Variants in CYP19A1 observed in about 807,000 individuals in gnomAD.
CYP19A1 encodes aromatase.
CYP19A1 carries 32 observed loss-of-function variants against 44.4 expected under a neutral mutation model. The observed-to-expected ratio is 0.72, with a 90% CI of 0.54 to 0.97. The LOEUF is 0.97. Ranked by LOEUF, CYP19A1 falls within the 50% of genes least tolerant of loss-of-function variation. The pLI is 0.00. For missense variants in CYP19A1, 598 were observed against 637.8 expected (o/e 0.94, Z 0.67); for synonymous variants, 212 against 215.6 (o/e 0.98, Z 0.14).
At chr15:51,335,771 A>AT (rs1425562420) in intron 1 of CYP19A1, among the ~76,000 whole-genome samples, 4 of 152,240 alleles carry the variant, frequency 2.6e-5, no homozygotes, top group South Asian at 4.2e-4. Flanking sequence ...TCCCACACAC[A>AT]CGTAAAACTC....
chr15:51,222,457 T>C lies in CYP19A1; in HGVS notation c.520A>G (p.Arg174Gly), dbSNP rs1417697585. ...GATTCATTGGTCACCTCCTCCAACCTGTCCAGATGTGTTTTGAGGGATTCA... is the reference window on the plus strand; with the variant it reads ...GATTCATTGGTCACCTCCTCCAACCCGTCCAGATGTGTTTTGAGGGATTCA... The part of the protein sequence containing the change: ...CAESLKTHLD[R>G]LEEVTNESGY... Residue 174 changes from arginine (R) to glycine (G), a missense_variant, in exon 5 of 10, where the codon AGG becomes GGG. Transcript: ENST00000396402. 2 of 1,614,138 alleles carry C rather than the reference T, an allele frequency of 1.2e-6. No homozygotes were observed. Among genetic ancestry groups the C allele is most frequent in the Admixed American group, 1.7e-5 (1 of 60,016 alleles).
In CYP19A1 at chr15:51,218,449, G is replaced by A. The variant is rs906550967; in HGVS notation, c.743+92C>T. 1.5e-5 allele frequency: 23 copies of A among 1,522,864 alleles called. No individual in the cohort carries two copies. In the Admixed American group the frequency reaches 3.3e-4, roughly 22 times the overall value. 94.3% of individuals were successfully genotyped at this position (1,522,864 alleles called of 1,614,324 possible). On this transcript the variant is annotated intron_variant, in intron 6 of 9. Coordinates refer to ENST00000396402, the MANE Select transcript of CYP19A1 (RefSeq NM_000103.4). Reference sequence around the variant, plus strand: ...CTTGTGGGCTCTAGAGAGCAGAAAAGTTACCTGAGAGGCCAAGAAAAACAG... The same window carrying A: ...CTTGTGGGCTCTAGAGAGCAGAAAAATTACCTGAGAGGCCAAGAAAAACAG...
chr15:51,226,515 C>T (rs1202485923), intron 4 of CYP19A1, among the ~76,000 whole-genome samples: 1 of 152,198 alleles, frequency 6.6e-6, no homozygotes, highest in Non-Finnish European at 1.5e-5. Context: ...GAGGGCAGCT[C>T]TGAAGGCTGG....
intron 1 of CYP19A1, among the ~76,000 whole-genome samples, chr15:51,244,812 A>G (rs2033976952): frequency 6.6e-6 from 1 of 152,228 alleles, no homozygotes; most frequent in Non-Finnish European, 1.5e-5. Flanking sequence ...AAGAGATAAG[A>G]TGTTGCAAGC....
chr15:51,247,819 C>T (rs2034132737), intron 1 of CYP19A1, among the ~76,000 whole-genome samples: 1 of 152,152 alleles, frequency 6.6e-6, no homozygotes, highest in African/African-American at 2.4e-5. Flanking sequence ...TATCCCTTCC[C>T]ATCCCAGCCT....
At chr15:51,296,636 C>T (rs957300544) in intron 1 of CYP19A1, among the ~76,000 whole-genome samples, 20 of 152,288 alleles carry the variant, frequency 1.3e-4, no homozygotes, top group African/African-American at 4.6e-4. Flanking sequence ...GATTTATTCT[C>T]CTCACTTTTT....
At chr15:51,259,739 T>C (rs2034644884) in intron 1 of CYP19A1, among the ~76,000 whole-genome samples, 2 of 152,116 alleles carry the variant, frequency 1.3e-5, no homozygotes, top group Admixed American at 6.5e-5. Context: ...TAGAGAGAAA[T>C]GCTAGACAGA....
rs2033850269 is a variant in CYP19A1 at position 51,242,819 on chromosome 15, T to G, written c.94A>C (p.Thr32Pro). 2.5e-6 allele frequency: 4 copies of G among 1,588,094 alleles called. No homozygotes were observed. In the African/African-American group the frequency reaches 4.0e-5, roughly 16 times the overall value. ...TTCCACACCAAGAGAAAAAGGCCAG[T>G]GAGGAGCAGGACTGGCATGGTGGCA... ...PAATMPVLLLTGLFLLVWNYE... is the reference protein window; with the variant it reads ...PAATMPVLLLPGLFLLVWNYE... The change falls in exon 2 of 10, where the codon ACT becomes CCT. Residue 32 changes from threonine to proline, a missense_variant. Coordinates refer to ENST00000396402, the MANE Select transcript of CYP19A1 (RefSeq NM_000103.4).
intron 4 of CYP19A1, 51 bp from the exon 5 acceptor site, chr15:51,222,576 C>A (rs759516404): frequency 6.8e-7 from 1 of 1,475,812 alleles, no homozygotes; most frequent in Non-Finnish European, 9.4e-7. Context: ...AGGGCACACA[C>A]ACAATCATGC....
rs185799004 is a variant in CYP19A1 at position 51,335,332 on chromosome 15, T to C, written c.-39+3163A>G. Among the ~76,000 whole-genome samples the C allele has an allele frequency of 3.1e-3, 466 of 152,290 alleles. 2 individuals carry two copies. The highest frequency in any genetic ancestry group is 0.011 in the African/African-American group (454 of 41,564). ...TACTACGATAGGCGGAAATCTGTTG[T>C]TACCAGCCCGACTTGGACCAAAATC... On this transcript the variant is annotated intron_variant, in intron 1 of 9. Transcript: ENST00000396402.
chr15:51,260,961 A>G (rs1439596395), intron 1 of CYP19A1, among the ~76,000 whole-genome samples: 1 of 152,140 alleles, frequency 6.6e-6, no homozygotes, highest in Non-Finnish European at 1.5e-5. Context: ...CTGAGCTTTC[A>G]TTCACAGTCC....
intron 1 of CYP19A1, chr15:51,313,243 C>CTTCTCTTCTTTGTTTCA (rs2036349855): frequency 6.6e-6 from 1 of 152,216 alleles, no homozygotes; most frequent in African/African-American, 2.4e-5. Flanking sequence ...GGGAATAGGC[C>CTTCTCTTCTTTGTTTCA]TTCTCTTCTT....
At chr15:51,288,746 T>C (rs1039138973) in intron 1 of CYP19A1, among the ~76,000 whole-genome samples, 1 of 152,246 alleles carries the variant, frequency 6.6e-6, no homozygotes, top group Non-Finnish European at 1.5e-5. Context: ...ATCTGGGCTC[T>C]GCCTTGCTCC....
At chr15:51,247,535 C>A (rs531684294) in intron 1 of CYP19A1, among the ~76,000 whole-genome samples, 1 of 152,170 alleles carries the variant, frequency 6.6e-6, no homozygotes, top group East Asian at 1.9e-4. Flanking sequence ...AGTGGTGACA[C>A]AATTTCAGCT....
At chr15:51,228,962 C>T (rs2032808568) in intron 3 of CYP19A1, among the ~76,000 whole-genome samples, 1 of 152,128 alleles carries the variant, frequency 6.6e-6, no homozygotes, top group Admixed American at 6.5e-5. Flanking sequence ...GTTGGAGAGA[C>T]TTGCTCCTCC....
At chr15:51,275,868 C>T (rs1044647775) in intron 1 of CYP19A1, among the ~76,000 whole-genome samples, 11 of 152,144 alleles carry the variant, frequency 7.2e-5, no homozygotes, top group African/African-American at 1.2e-4. Context: ...TAACATAGAT[C>T]GCCCCTACAG....
intron 1 of CYP19A1, among the ~76,000 whole-genome samples, chr15:51,305,365 C>A (rs1394993720): frequency 6.6e-6 from 1 of 152,020 alleles, no homozygotes; most frequent in Non-Finnish European, 1.5e-5. Context: ...AGAAAGTGGT[C>A]ATAACGTTAT....
At position 51,210,798 on chromosome 15, in the gene CYP19A1, C is replaced by A; in HGVS notation, c.*10G>T. The A allele has an allele frequency of 6.5e-7, 1 of 1,545,042 alleles. No individual in the cohort carries two copies. Among genetic ancestry groups the A allele is most frequent in the Non-Finnish European group, 9.0e-7 (1 of 1,116,546 alleles). On this transcript the variant is annotated 3_prime_UTR_variant, in exon 10 of 10. Coordinates refer to ENST00000396402, the MANE Select transcript of CYP19A1 (RefSeq NM_000103.4). ...AGAAATGCTCCAGAGTGGGTACTGA[C>A]CAGCCTTCTCTAGTGTTCCAGACAC...
chr15:51,292,730 C>T (rs898328273), intron 1 of CYP19A1, among the ~76,000 whole-genome samples: 6 of 152,106 alleles, frequency 3.9e-5, no homozygotes, highest in Non-Finnish European at 5.9e-5. Context: ...TCCTCAACTG[C>T]ACAAAGGAGC....
Sources: allele counts gnomAD v4.1 joint callset (sites outside exome capture counted in the v4.1 genomes callset), GRCh38; gene constraint gnomAD v4.1.1; transcripts MANE v1.5; gene names NCBI Gene and HGNC (gene_info 2026-07-23, HGNC 2026-07-21).